The following SLC26A5 variants were observed in gnomAD, a reference collection of about 807,000 sequenced individuals.
SLC26A5 encodes the protein prestin.
SLC26A5 carries 51 observed loss-of-function variants against 81.0 expected under a neutral mutation model. That is an observed-to-expected ratio of 0.63 (90% CI 0.50 to 0.80). The LOEUF is 0.80. Among genes scored for constraint, SLC26A5 ranks in the 30% least tolerant of loss-of-function variants. The probability of loss-of-function intolerance (pLI) is 0.00; values close to 1 mark genes in which losing one functional copy is unlikely to be tolerated. For missense variants in SLC26A5, 771 were observed against 905.8 expected, an observed-to-expected ratio of 0.85 and a Z score of 1.91; for synonymous variants, 325 against 332.8, an observed-to-expected ratio of 0.98 and a Z score of 0.25.
At chr7:103,405,179 T>C (rs1182251183) in intron 8 of SLC26A5, among the ~76,000 whole-genome samples, 1 of 152,200 alleles carries the variant, frequency 6.6e-6, no homozygotes, top group African/African-American at 2.4e-5. Context: ...TGAAGCTTAC[T>C]TCTGTCCATT....
chr7:103,410,908 T>G (rs1248210813), intron 6 of SLC26A5, among the ~76,000 whole-genome samples: 1 of 152,186 alleles, frequency 6.6e-6, no homozygotes, highest in South Asian at 2.1e-4. Context: ...GGATTAAAGG[T>G]GTGAGCCACC....
chr7:103,387,256 T>C (rs1456277610), intron 14 of SLC26A5, among the ~76,000 whole-genome samples: 1 of 152,226 alleles, frequency 6.6e-6, no homozygotes, highest in Non-Finnish European at 1.5e-5. Context: ...TCTTAACATT[T>C]TTCTGTTATG....
At chr7:103,445,369 C>T (rs185102707) in intron 1 of SLC26A5, 2 of 152,342 alleles carry the variant, frequency 1.3e-5, no homozygotes, top group East Asian at 3.9e-4. Flanking sequence ...TCAACTAAAT[C>T]TCTCCTAAAA....
chr7:103,423,239 T>C (rs1825489719), intron 2 of SLC26A5, among the ~76,000 whole-genome samples: 1 of 151,956 alleles, frequency 6.6e-6, no homozygotes, highest in Admixed American at 6.6e-5. Flanking sequence ...GCCATTGTAC[T>C]CCAGCCTGGG....
intron 19 of SLC26A5, chr7:103,366,033 T>C (rs781434982): frequency 6.7e-7 from 1 of 1,503,060 alleles, no homozygotes; most frequent in Admixed American, 1.8e-5. Flanking sequence ...TTTTAAAATA[T>C]TTTGAAACCA....
At chr7:103,408,982 C>A (rs1824274207) in intron 7 of SLC26A5, among the ~76,000 whole-genome samples, 1 of 152,158 alleles carries the variant, frequency 6.6e-6, no homozygotes, top group Admixed American at 6.5e-5. Context: ...ATGATAATAG[C>A]TATTATGGGA....
intron 4 of SLC26A5, among the ~76,000 whole-genome samples, chr7:103,420,505 T>G (rs1258012800): frequency 6.6e-6 from 1 of 152,088 alleles, no homozygotes; most frequent in African/African-American, 2.4e-5. Flanking sequence ...CTCACTTTGT[T>G]GCCCAGGCTG....
At chr7:103,360,073 C>T (rs933801183) in intron 19 of SLC26A5, among the ~76,000 whole-genome samples, 18 of 149,622 alleles carry the variant, frequency 1.2e-4, no homozygotes, top group African/African-American at 3.5e-4. Flanking sequence ...AGTGAGATTC[C>T]GTCTCAAAAA....
chr7:103,440,724 G>A (rs80239433), intron 2 of SLC26A5, among the ~76,000 whole-genome samples: 6,108 of 152,246 alleles, frequency 0.04, 172 homozygotes, highest in Non-Finnish European at 0.044. Flanking sequence ...CCAGCTCTAG[G>A]TGGCTGGAGA....
intron 2 of SLC26A5, among the ~76,000 whole-genome samples, chr7:103,438,389 CTTT>C (rs979524403): frequency 1.4e-5 from 2 of 142,964 alleles, no homozygotes; most frequent in Non-Finnish European, 1.5e-5. Context: ...GATTTCTTTT[CTTT>C]TTTTTTTTTT....
chr7:103,419,389 G>A (rs1370641286), intron 4 of SLC26A5, among the ~76,000 whole-genome samples: 3 of 152,110 alleles, frequency 2.0e-5, no homozygotes, highest in Non-Finnish European at 4.4e-5. Context: ...TCACACTGCT[G>A]GAACACTGCT....
chr7:103,385,224 T>C (rs113006479), intron 14 of SLC26A5, among the ~76,000 whole-genome samples: 8,977 of 151,944 alleles, frequency 0.059, 892 homozygotes, highest in African/African-American at 0.21. Flanking sequence ...TGCAGTGGCG[T>C]GATCTCGGCT....
At chr7:103,420,688 A>G (rs199542075) in intron 4 of SLC26A5, 50 bp downstream of exon 4, 28 of 1,609,654 alleles carry the variant, frequency 1.7e-5, no homozygotes, top group Middle Eastern at 1.6e-4. Flanking sequence ...CAGAAGGTCA[A>G]GCAATTGTTT....
chr7:103,375,756 T>C (rs1488545462), intron 19 of SLC26A5, among the ~76,000 whole-genome samples: 29 of 151,646 alleles, frequency 1.9e-4, no homozygotes, highest in Admixed American at 1.8e-3. Context: ...TTACTTTTTT[T>C]TTTTCCTTTT....
intron 8 of SLC26A5, among the ~76,000 whole-genome samples, chr7:103,401,537 T>C (rs955840351): frequency 2.6e-5 from 4 of 152,206 alleles, no homozygotes; most frequent in Admixed American, 6.5e-5. Context: ...CTCTTCCTAT[T>C]TGAATACCCT....
At chr7:103,354,005 TAAA>T in intron 19 of SLC26A5, 1 of 1,433,634 alleles carries the variant, frequency 7.0e-7, no homozygotes. Flanking sequence ...TATGTTGAAA[TAAA>T]AACTGTTTTG....
At position 103,412,798 on chromosome 7, in the gene SLC26A5, G is replaced by A. The variant is rs111347216; in HGVS notation, c.403+204C>T. Among the ~76,000 whole-genome samples the A allele has an allele frequency of 2.4e-3, 362 of 152,098 alleles. 7 individuals are homozygous for A. The South Asian group carries it at 0.025, about 10-fold the overall frequency. ...ACTACTGACCTCAGACGATCTGCCC[G>A]CCTCGGCCTCCCAGAGTGCTGGGAT... On this transcript the variant is annotated intron_variant, in intron 5 of 19. Transcript: ENST00000306312.
chr7:103,435,468 T>C (rs1001377313), intron 2 of SLC26A5, among the ~76,000 whole-genome samples: 1 of 152,350 alleles, frequency 6.6e-6, no homozygotes, highest in South Asian at 2.1e-4. Flanking sequence ...GACTCTTCCC[T>C]GAACGAAATG....
At chr7:103,396,989 G>A (rs1823158959) in intron 9 of SLC26A5, among the ~76,000 whole-genome samples, 1 of 151,398 alleles carries the variant, frequency 6.6e-6, no homozygotes, top group African/African-American at 2.4e-5. Context: ...CAGCTACTCA[G>A]GAGGCTCAGG....
Sources: gnomAD v4.1 joint callset for allele counts (sites outside exome capture counted in the v4.1 genomes callset) on GRCh38, gnomAD v4.1.1 for gene constraint, MANE v1.5 for transcripts, NCBI Gene and HGNC (gene_info 2026-07-23, HGNC 2026-07-21) for gene names.